The following FGF12 variants were observed in gnomAD, a reference collection of about 807,000 sequenced individuals.
FGF12 encodes fibroblast growth factor 12B.
FGF12 carries 14 observed loss-of-function variants against 23.6 expected under a neutral mutation model. The observed-to-expected ratio is 0.59, with a 90% CI of 0.39 to 0.93. The LOEUF is 0.93. FGF12 is among the 40% of genes least tolerant of loss of function. FGF12 has a pLI of 0.00. For missense variants in FGF12, 175 were observed against 217.8 expected, an observed-to-expected ratio of 0.80 and a Z score of 1.24; for synonymous variants, 62 against 77.3, an observed-to-expected ratio of 0.80 and a Z score of 1.04.
At chr3:192,253,394 C>A (rs1170314176) in intron 4 of FGF12, among the ~76,000 whole-genome samples, 1 of 150,386 alleles carries the variant, frequency 6.6e-6, no homozygotes, top group Admixed American at 6.6e-5. Flanking sequence ...TACATAAGTA[C>A]TTAATAAAAA....
At chr3:192,212,152 G>C (rs1717960775) in intron 4 of FGF12, among the ~76,000 whole-genome samples, 1 of 152,180 alleles carries the variant, frequency 6.6e-6, no homozygotes, top group African/African-American at 2.4e-5. Flanking sequence ...AAATCTCTGA[G>C]AAGTTGATTG....
At chr3:192,370,051 T>A (rs1015953657) in intron 2 of FGF12, among the ~76,000 whole-genome samples, 4 of 152,138 alleles carry the variant, frequency 2.6e-5, no homozygotes, top group African/African-American at 9.7e-5. Context: ...GTGCTTAGCA[T>A]GTGCAGGGAC....
chr3:192,439,976 GAA>G (rs5855427), intron 2 of FGF12, among the ~76,000 whole-genome samples: 12 of 114,108 alleles, frequency 1.1e-4, no homozygotes, highest in East Asian at 5.0e-4. Context: ...ACTCCATATG[GAA>G]AAAAAAAAAA....
chr3:192,169,408 A>C (rs1427166710), intron 5 of FGF12, among the ~76,000 whole-genome samples: 2 of 152,232 alleles, frequency 1.3e-5, no homozygotes, highest in Non-Finnish European at 2.9e-5. Context: ...TGCTGAATAC[A>C]CAGCATGTGA....
intron 2 of FGF12, among the ~76,000 whole-genome samples, chr3:192,407,222 C>A (rs906421776): frequency 6.6e-6 from 1 of 152,152 alleles, no homozygotes; most frequent in African/African-American, 2.4e-5. Context: ...AGAAAGCCCA[C>A]GCCATGAAAA....
At chr3:192,493,577 C>G (rs1407786136) in intron 2 of FGF12, among the ~76,000 whole-genome samples, 2 of 152,120 alleles carry the variant, frequency 1.3e-5, no homozygotes, top group South Asian at 2.1e-4. Flanking sequence ...TTAATTGGCT[C>G]ACAGTTCTAC....
intron 3 of FGF12, among the ~76,000 whole-genome samples, chr3:192,346,178 C>T (rs1426796889): frequency 6.6e-6 from 1 of 152,164 alleles, no homozygotes; most frequent in Admixed American, 6.6e-5. Flanking sequence ...TTACTCATTG[C>T]TCAATAACTT....
chr3:192,618,715 C>A (rs1714857702), intron 2 of FGF12, among the ~76,000 whole-genome samples: 1 of 151,920 alleles, frequency 6.6e-6, no homozygotes, highest in East Asian at 1.9e-4. Flanking sequence ...TAACGCTGTT[C>A]AATTACAAAT....
Position 192,409,022 on chromosome 3 carries a change from G to A in FGF12, c.14-48484C>T, listed in dbSNP as rs1273779019. 1 of 984,202 alleles carries A rather than the reference G, an allele frequency of 1.0e-6. No individual in the cohort carries two copies. Among genetic ancestry groups the A allele is most frequent in the Admixed American group, 6.2e-5 (1 of 16,170 alleles). 61.0% of individuals were successfully genotyped at this position (984,202 alleles called of 1,614,324 possible). A position where few individuals can be genotyped will look rare whatever the true frequency, so the allele number is the denominator to read the frequency against. ...GCGGGGGCAGCTGTTTCCAGCTGCG[G>A]TGAGAGCAACTCCCGGCCAGCAGCA... is the stretch of plus-strand genomic sequence containing the variant. On this transcript the variant is annotated intron_variant, in intron 2 of 5. Transcript: ENST00000445105. This position sits in a 1 kb window ranked among gnomAD's most constrained non-coding sequence, Gnocchi z 4.8.
At chr3:192,297,442 C>T (rs868228828) in intron 4 of FGF12, among the ~76,000 whole-genome samples, 1 of 152,068 alleles carries the variant, frequency 6.6e-6, no homozygotes, top group Non-Finnish European at 1.5e-5. Flanking sequence ...TTTTTAATTG[C>T]CAATTCACAT....
intron 3 of FGF12, among the ~76,000 whole-genome samples, chr3:192,347,823 C>T (rs13083788): frequency 0.44 from 66,438 of 151,860 alleles, 16,190 homozygotes; most frequent in East Asian, 0.74. Context: ...CATTGATTTC[C>T]CCTGTTGAGA....
chr3:192,718,411 T>A (rs1312162633), intron 2 of FGF12, among the ~76,000 whole-genome samples: 2 of 152,118 alleles, frequency 1.3e-5, no homozygotes, highest in Admixed American at 1.3e-4. Flanking sequence ...CATAAATCTT[T>A]AAACAGAATG....
intron 2 of FGF12, among the ~76,000 whole-genome samples, chr3:192,367,379 C>T (rs1037988638): frequency 6.6e-6 from 1 of 152,126 alleles, no homozygotes; most frequent in Admixed American, 6.5e-5. Context: ...ATTGAAGAAG[C>T]TGTTAAATGT....
intron 2 of FGF12, among the ~76,000 whole-genome samples, chr3:192,464,403 C>T (rs1024182468): frequency 1.3e-5 from 2 of 151,844 alleles, no homozygotes; most frequent in Non-Finnish European, 2.9e-5. Context: ...TTTTCTATTC[C>T]GGAGTTACCT....
At chr3:192,433,659 T>C (rs1166773955) in intron 2 of FGF12, among the ~76,000 whole-genome samples, 4 of 152,248 alleles carry the variant, frequency 2.6e-5, no homozygotes, top group Non-Finnish European at 5.9e-5. Context: ...TAAATTCAGC[T>C]TTACCACTCA....
chr3:192,665,995 C>T (rs1716857504), intron 2 of FGF12, among the ~76,000 whole-genome samples: 1 of 152,166 alleles, frequency 6.6e-6, no homozygotes, highest in African/African-American at 2.4e-5. Flanking sequence ...TTTAATACCA[C>T]TAAGAAATAA....
chr3:192,528,054 C>A (rs907168816), intron 2 of FGF12, among the ~76,000 whole-genome samples: 2 of 152,060 alleles, frequency 1.3e-5, no homozygotes, highest in South Asian at 4.1e-4. Flanking sequence ...ACACCTGGCC[C>A]CTCCCAAATC....
chr3:192,706,069 C>T (rs1165563285), intron 2 of FGF12, among the ~76,000 whole-genome samples: 1 of 152,176 alleles, frequency 6.6e-6, no homozygotes, highest in Non-Finnish European at 1.5e-5. Context: ...CCTTTAAATA[C>T]ACACATTCCT....
chr3:192,511,720 A>G lies in FGF12; in HGVS notation c.14-151182T>C, dbSNP rs531157503. 3.3e-5 allele frequency among the ~76,000 whole-genome samples: 5 copies of G among 152,286 alleles called. No homozygotes were observed. The South Asian group carries it at 8.3e-4, about 25-fold the overall frequency. On this transcript the variant is annotated intron_variant, in intron 2 of 5. Transcript: ENST00000445105. ...TGCTTAAAAAAATTCATTTTGAGAA[A>G]TGGAAAAAAAAGAATCATAAGAGAC... is the stretch of plus-strand genomic sequence containing the variant.
Sources: allele counts gnomAD v4.1 joint callset (sites outside exome capture counted in the v4.1 genomes callset), GRCh38; gene constraint gnomAD v4.1.1; non-coding constraint Gnocchi (gnomAD v3.1); transcripts MANE v1.5; gene names NCBI Gene and HGNC (gene_info 2026-07-23, HGNC 2026-07-21).